LINGO1: variants seen among roughly 807,000 people sequenced by gnomAD.
The protein encoded by LINGO1 is leucine-rich repeat and immunoglobulin-like domain-containing nogo receptor-interacting protein 1.
Under a neutral mutation model 37.3 loss-of-function variants are expected in LINGO1, and 11 were observed. That is an observed-to-expected ratio of 0.29 (90% CI 0.19 to 0.49). LINGO1 has a LOEUF of 0.49. Among genes scored for constraint, LINGO1 ranks in the 20% least tolerant of loss-of-function variants. The pLI is 0.99. For synonymous variants in LINGO1, 387 were observed against 403.0 expected (o/e 0.96, Z 0.48); for missense variants, 585 against 878.2 (o/e 0.67, Z 4.22).
intron 1 of LINGO1, among the ~76,000 whole-genome samples, chr15:77,781,138 CA>C (rs1433407690): frequency 6.6e-6 from 1 of 152,230 alleles, no homozygotes; most frequent in Non-Finnish European, 1.5e-5. Flanking sequence ...TGCTGAGGAG[CA>C]CAGGGACAGT....
At chr15:77,705,131 T>C (rs1051304312) in intron 2 of LINGO1, among the ~76,000 whole-genome samples, 5 of 132,488 alleles carry the variant, frequency 3.8e-5, no homozygotes, top group African/African-American at 8.3e-5. Context: ...CCTTCCCTCA[T>C]GCCACTGGCC....
upstream of LINGO1, among the ~76,000 whole-genome samples, chr15:77,699,948 G>C (rs923166199): frequency 6.6e-6 from 1 of 152,202 alleles, no homozygotes; most frequent in African/African-American, 2.4e-5. Context: ...GTAGGGAAGG[G>C]GCTGAGAGGA....
At chr15:77,783,119 A>C (rs2076737131) in intron 1 of LINGO1, among the ~76,000 whole-genome samples, 1 of 152,028 alleles carries the variant, frequency 6.6e-6, no homozygotes, top group Admixed American at 6.5e-5. Context: ...CATCGCCTGG[A>C]TGCCCATCGG....
chr15:77,706,012 G>A (rs574065792), intron 2 of LINGO1, among the ~76,000 whole-genome samples: 1 of 152,154 alleles, frequency 6.6e-6, no homozygotes, highest in Non-Finnish European at 1.5e-5. Context: ...GCCCGGGGTG[G>A]GCCGCACTTT....
intron 1 of LINGO1, among the ~76,000 whole-genome samples, chr15:77,770,119 G>A (rs2076569418): frequency 6.6e-6 from 1 of 152,164 alleles, no homozygotes; most frequent in South Asian, 2.1e-4. Context: ...CTCAGCTGGA[G>A]AGGGGGACCC....
intron 1 of LINGO1, among the ~76,000 whole-genome samples, chr15:77,780,172 C>T (rs1379710667): frequency 1.3e-5 from 2 of 152,162 alleles, no homozygotes; most frequent in Non-Finnish European, 2.9e-5. Flanking sequence ...AGAATGTGTT[C>T]TTGACACAGG....
chr15:77,654,865 A>C (rs2074834666), intron 3 of LINGO1, among the ~76,000 whole-genome samples: 3 of 152,194 alleles, frequency 2.0e-5, no homozygotes, highest in Admixed American at 2.0e-4. Flanking sequence ...AGTAGGACTC[A>C]ATACTTGGGC....
At chr15:77,677,938 A>T (rs1476030984) in intron 2 of LINGO1, among the ~76,000 whole-genome samples, 2 of 152,112 alleles carry the variant, frequency 1.3e-5, no homozygotes, top group Non-Finnish European at 2.9e-5. Context: ...CCTGGCCCAC[A>T]GGGCACTGCC....
chr15:77,645,922 G>A (rs2074615891), intron 3 of LINGO1, among the ~76,000 whole-genome samples: 1 of 152,246 alleles, frequency 6.6e-6, no homozygotes, highest in Non-Finnish European at 1.5e-5. Flanking sequence ...GCCTGGGGGT[G>A]CCAGGTGGCC....
rs2074504018 is a variant in LINGO1 at position 77,641,444 on chromosome 15, G to A, written c.-12-25544C>T. 3.3e-5 allele frequency among the ~76,000 whole-genome samples: 5 copies of A among 152,164 alleles called. No individual in the cohort carries two copies. The South Asian group carries it at 6.2e-4, about 19-fold the overall frequency. On this transcript the variant is annotated intron_variant, in intron 3 of 3. Transcript: ENST00000559893. ...CAGAGGCACCCAGCTGCATCACCCC[G>A]GCCCGTCTGGCTGGGACCCAGGGCG...
intron 1 of LINGO1, among the ~76,000 whole-genome samples, chr15:77,628,353 A>C (rs1015561246): frequency 1.3e-5 from 2 of 152,220 alleles, no homozygotes; most frequent in Non-Finnish European, 2.9e-5. Flanking sequence ...GGATCACATG[A>C]CAGAACATTA....
intron 1 of LINGO1, among the ~76,000 whole-genome samples, chr15:77,801,445 C>A (rs1259878919): frequency 6.6e-6 from 1 of 152,140 alleles, no homozygotes; most frequent in Admixed American, 6.5e-5. Flanking sequence ...TGCTATATGC[C>A]CCAAAAGGCT....
intron 2 of LINGO1, among the ~76,000 whole-genome samples, chr15:77,715,275 G>C (rs2075970364): frequency 6.6e-6 from 1 of 152,374 alleles, no homozygotes; most frequent in South Asian, 2.1e-4. Flanking sequence ...GCAGCCTCAG[G>C]GCTGAGCAGG....
chr15:77,672,000 G>GCCGCCTCCTCCTCCTCCTCCTCCT (rs1344106118), intron 3 of LINGO1, among the ~76,000 whole-genome samples: 67 of 145,644 alleles, frequency 4.6e-4, no homozygotes, highest in African/African-American at 1.7e-3. Flanking sequence ...ATGAGCCTCT[G>GCCGCCTCCTCCTCCTCCTCCTCCT]CCTCCTCCTC....
chr15:77,756,152 G>C (rs2076416613), intron 1 of LINGO1, among the ~76,000 whole-genome samples: 1 of 152,192 alleles, frequency 6.6e-6, no homozygotes, highest in Non-Finnish European at 1.5e-5. Context: ...GGCAGGCCCA[G>C]GCTAGACCCT....
At chr15:77,690,082 T>G (rs1286379568) in intron 2 of LINGO1, among the ~76,000 whole-genome samples, 1 of 152,176 alleles carries the variant, frequency 6.6e-6, no homozygotes, top group Non-Finnish European at 1.5e-5. Flanking sequence ...AGAATGATTA[T>G]TTGTTATTTG....
rs1315036457 is a variant in LINGO1, at chr15:77,614,001, C to T, written c.*43G>A. On this transcript the variant is annotated 3_prime_UTR_variant, in exon 2 of 2. Transcript: ENST00000355300. The stretch of plus-strand genomic sequence containing the variant: ...TGAGCAGGTGGCGGCCAGGCCCCTT[C>T]CCCTGCCCGGCCGCCCGGGGGTCCC... 5 of 1,502,152 alleles carry T rather than the reference C, an allele frequency of 3.3e-6. No homozygotes were observed. The Admixed American group carries it at 8.1e-5, about 24-fold the overall frequency. 93.1% of individuals were successfully genotyped at this position (1,502,152 alleles called of 1,614,324 possible). A position where few individuals can be genotyped will look rare whatever the true frequency, so the allele number is the denominator to read the frequency against.
chr15:77,671,278 G>GGAGGGAAGAGGGGAGAA (rs144991392), intron 3 of LINGO1, among the ~76,000 whole-genome samples: 20,768 of 151,708 alleles, frequency 0.14, 1,485 homozygotes, highest in Middle Eastern at 0.19. Context: ...GCAGGGAAAG[G>GGAGGGAAGAGGGGAGAA]GAGGGAAGAG....
chr15:77,703,884 G>T (rs1204092380), intron 2 of LINGO1, among the ~76,000 whole-genome samples: 1 of 152,136 alleles, frequency 6.6e-6, no homozygotes. Flanking sequence ...ACAGTCCCCA[G>T]TCTAGGCAGA....
Sources: allele counts gnomAD v4.1 joint callset (sites outside exome capture counted in the v4.1 genomes callset), GRCh38; gene constraint gnomAD v4.1.1; transcripts MANE v1.5; gene names NCBI Gene and HGNC (gene_info 2026-07-23, HGNC 2026-07-21).